PLEK2: variants seen among roughly 807,000 people sequenced by gnomAD.
The protein encoded by PLEK2 is pleckstrin 2.
A neutral mutation model predicts 43.8 loss-of-function variants in PLEK2; 29 were observed. The observed-to-expected ratio is 0.66, with a 90% CI of 0.49 to 0.90. The LOEUF (loss-of-function observed/expected upper bound fraction) is 0.90, where lower values mean the gene tolerates loss of function less well. Ranked by LOEUF, PLEK2 falls within the 40% of genes least tolerant of loss-of-function variation. The probability of loss-of-function intolerance (pLI) is 0.00; values close to 1 mark genes in which losing one functional copy is unlikely to be tolerated. For synonymous variants in PLEK2, 162 were observed against 173.2 expected (o/e 0.94, Z 0.51); for missense variants, 398 against 448.1 (o/e 0.89, Z 1.01).
At position 67,387,331 on chromosome 14, in the gene PLEK2, A is replaced by AT; in HGVS notation, c.1059dup (p.Ter354MetfsTer5). ...ATCCTGGTTCCCTCAGGTCCTTGTC[A>AT]TGTTAGCTTTTTGATAGCTTCAATC... On this transcript the variant is annotated frameshift_variant, in exon 9 of 9. Coordinates refer to ENST00000216446, the MANE Select transcript of PLEK2 (RefSeq NM_016445.3). LOFTEE classifies it high-confidence loss of function. 1.2e-6 allele frequency: 2 copies of AT among 1,609,468 alleles called. No homozygotes were observed. Among genetic ancestry groups the AT allele is most frequent in the South Asian group, 2.2e-5 (2 of 89,974 alleles).
In PLEK2 at chr14:67,392,325, C is replaced by G; in HGVS notation, c.771+1G>C. 6.3e-7 allele frequency: 1 copy of G among 1,581,980 alleles called. No homozygotes were observed. Among genetic ancestry groups the G allele is most frequent in the Admixed American group, 1.7e-5 (1 of 59,972 alleles). Reference sequence around the variant, plus strand: ...CTCTTCCCTGCTCATAGCAGCCATACCTGCTTGGCCAGGTAGCCTTGTTTC... The same window carrying G: ...CTCTTCCCTGCTCATAGCAGCCATAGCTGCTTGGCCAGGTAGCCTTGTTTC... On this transcript the variant is annotated splice_donor_variant, in intron 6 of 8. Coordinates refer to ENST00000216446, the MANE Select transcript of PLEK2 (RefSeq NM_016445.3). LOFTEE classifies it high-confidence loss of function.
chr14:67,393,004 G>T, intron 4 of PLEK2, 146 bp downstream of exon 4: 1 of 866,730 alleles, frequency 1.2e-6, no homozygotes, highest in South Asian at 1.5e-5. Flanking sequence ...AGCCGTGGCT[G>T]CACACCCACA....
intron 1 of PLEK2, among the ~76,000 whole-genome samples, chr14:67,400,993 A>AAAT (rs142279546): frequency 0.01 from 1,539 of 150,746 alleles, 28 homozygotes; most frequent in African/African-American, 0.033. Context: ...CTGCCTCTTA[A>AAAT]AATAATAATA....
chr14:67,403,684 T>C (rs191188211), intron 1 of PLEK2, among the ~76,000 whole-genome samples: 8 of 152,362 alleles, frequency 5.3e-5, no homozygotes, highest in Non-Finnish European at 5.9e-5. Flanking sequence ...TCAAATAAGC[T>C]GGTGGCCCTC....
intron 2 of PLEK2, among the ~76,000 whole-genome samples, chr14:67,395,911 G>C (rs946931479): frequency 6.6e-6 from 1 of 152,118 alleles, no homozygotes; most frequent in African/African-American, 2.4e-5. Flanking sequence ...AGAGGGAAAT[G>C]CCCAGGCTTT....
At chr14:67,405,269 T>C (rs1242232936) in intron 1 of PLEK2, among the ~76,000 whole-genome samples, 1 of 151,994 alleles carries the variant, frequency 6.6e-6, no homozygotes, top group African/African-American at 2.4e-5. Flanking sequence ...ATTTTCATTT[T>C]CATTTCCTTG....
intron 6 of PLEK2, among the ~76,000 whole-genome samples, chr14:67,391,368 T>C (rs2085966907): frequency 6.7e-6 from 1 of 149,706 alleles, no homozygotes; most frequent in Non-Finnish European, 1.5e-5. Flanking sequence ...GCCCTCCTAG[T>C]CAGGAACACC....
At position 67,387,330 on chromosome 14, in the gene PLEK2, C is replaced by A; in HGVS notation, c.1061G>T (p.Ter354LeuextTer26). ...EWIEAIKKLT[*>L] ...AATCCTGGTTCCCTCAGGTCCTTGT[C>A]ATGTTAGCTTTTTGATAGCTTCAAT... The change falls in exon 9 of 9, where the codon TGA becomes TTA. Residue 354 changes from the stop codon to leucine (L), a stop_lost. Transcript: ENST00000216446. 2 of 1,609,206 alleles carry A rather than the reference C, an allele frequency of 1.2e-6. No homozygotes were observed. The highest frequency in any genetic ancestry group is 1.1e-5 in the South Asian group (1 of 89,886).
At chr14:67,388,392 G>A in intron 7 of PLEK2, 90 bp from the exon 8 acceptor site, 1 of 795,016 alleles carries the variant, frequency 1.3e-6, no homozygotes, top group Non-Finnish European at 2.2e-6. Flanking sequence ...AGCTAAAGAA[G>A]TGAGTGCAAA....
chr14:67,398,981 G>A (rs1430086216), intron 1 of PLEK2, among the ~76,000 whole-genome samples: 2 of 152,200 alleles, frequency 1.3e-5, no homozygotes, highest in Non-Finnish European at 2.9e-5. Flanking sequence ...TTGTAACTGA[G>A]GTTGTTCCAT....
At chr14:67,396,732 C>G (rs1210983454) in intron 2 of PLEK2, among the ~76,000 whole-genome samples, 2 of 152,242 alleles carry the variant, frequency 1.3e-5, no homozygotes, top group Non-Finnish European at 2.9e-5. Flanking sequence ...CCTGAAATAT[C>G]TTTTTCCTCT....
At chr14:67,396,708 G>A (rs534524932) in intron 2 of PLEK2, among the ~76,000 whole-genome samples, 12 of 152,160 alleles carry the variant, frequency 7.9e-5, no homozygotes, top group Admixed American at 2.6e-4. Context: ...TTCCTGAAGC[G>A]TTGCCTGACC....
intron 1 of PLEK2, among the ~76,000 whole-genome samples, chr14:67,411,577 T>C (rs939842223): frequency 6.6e-6 from 1 of 152,146 alleles, no homozygotes; most frequent in Non-Finnish European, 1.5e-5. Flanking sequence ...GCAGGGCTGC[T>C]GGGAGGATGA....
intron 1 of PLEK2, 70 bp downstream of exon 1, chr14:67,411,948 G>T: frequency 7.2e-7 from 1 of 1,387,966 alleles, no homozygotes; most frequent in Non-Finnish European, 9.8e-7. Flanking sequence ...CGCGCGTCTG[G>T]CCCCGCTCTA....
intron 1 of PLEK2, among the ~76,000 whole-genome samples, chr14:67,404,660 A>G (rs1375414256): frequency 1.1e-4 from 16 of 151,948 alleles, no homozygotes; most frequent in Admixed American, 1.0e-3. Context: ...TAATAAAAAA[A>G]TTAGTCAGGT....
At chr14:67,392,016 C>T (rs752692272) in intron 6 of PLEK2, among the ~76,000 whole-genome samples, 4 of 152,302 alleles carry the variant, frequency 2.6e-5, no homozygotes, top group African/African-American at 4.8e-5. Context: ...TCAGCAAAAG[C>T]TTCCAAGACA....
chr14:67,401,373 G>T (rs150202062), intron 1 of PLEK2, among the ~76,000 whole-genome samples: 1 of 151,762 alleles, frequency 6.6e-6, no homozygotes, highest in South Asian at 2.1e-4. Context: ...TTAGCCAGGC[G>T]TGGTGGCACG....
chr14:67,409,749 G>A (rs751927139), intron 1 of PLEK2, among the ~76,000 whole-genome samples: 69 of 152,070 alleles, frequency 4.5e-4, no homozygotes, highest in Non-Finnish European at 8.7e-4. Flanking sequence ...TCTGCACTCC[G>A]GCTTCCAACG....
intron 3 of PLEK2, 90 bp downstream of exon 3, chr14:67,395,312 A>AGCTTGCT: frequency 8.9e-7 from 1 of 1,122,142 alleles, no homozygotes; most frequent in Non-Finnish European, 1.3e-6. Flanking sequence ...CTGTGCAGCA[A>AGCTTGCT]GCACAGAGCC....
Sources: allele counts gnomAD v4.1 joint callset (sites outside exome capture counted in the v4.1 genomes callset), GRCh38; gene constraint gnomAD v4.1.1; transcripts MANE v1.5; gene names NCBI Gene and HGNC (gene_info 2026-07-23, HGNC 2026-07-21).